Variants in SORCS2 observed in about 807,000 individuals in gnomAD.
SORCS2 encodes the protein sortilin related VPS10 domain containing receptor 2, also known as VPS10 domain-containing receptor SorCS2.
SORCS2 carries 100 observed loss-of-function variants against 141.6 expected under a neutral mutation model. The ratio of observed to expected loss-of-function variants is 0.71; its 90% CI spans 0.60 to 0.83. The LOEUF (loss-of-function observed/expected upper bound fraction) is 0.83, where lower values mean the gene tolerates loss of function less well. Ranked by LOEUF, SORCS2 falls within the 40% of genes least tolerant of loss-of-function variation. The pLI is 0.00. For missense variants in SORCS2, 1,646 were observed against 1,560.2 expected, an observed-to-expected ratio of 1.05 and a Z score of -0.93; for synonymous variants, 789 against 676.9, an observed-to-expected ratio of 1.17 and a Z score of -2.57.
intron 1 of SORCS2, among the ~76,000 whole-genome samples, chr4:7,321,001 G>C (rs1024378589): frequency 6.7e-6 from 1 of 148,684 alleles, no homozygotes; most frequent in African/African-American, 2.5e-5. Context: ...TGGATGAATT[G>C]TATAGTGGGG....
At chr4:7,576,930 T>C (rs1169339117) in intron 3 of SORCS2, among the ~76,000 whole-genome samples, 4 of 152,186 alleles carry the variant, frequency 2.6e-5, no homozygotes, top group Non-Finnish European at 5.9e-5. Context: ...GTTATCGCAG[T>C]CTTCTGAGAT....
At chr4:7,629,868 C>T (rs200318593) in intron 3 of SORCS2, among the ~76,000 whole-genome samples, 30 of 152,242 alleles carry the variant, frequency 2.0e-4, no homozygotes, top group East Asian at 7.7e-4. Flanking sequence ...ATCTCTGCAA[C>T]GCGCTGTCGG....
At chr4:7,206,828 T>TAAAAC (rs954689443) in intron 1 of SORCS2, among the ~76,000 whole-genome samples, 3 of 152,038 alleles carry the variant, frequency 2.0e-5, no homozygotes, top group African/African-American at 7.2e-5. Flanking sequence ...TCTCACCCAG[T>TAAAAC]AAAACAAAAC....
chr4:7,378,207 G>A (rs528321357), intron 1 of SORCS2, among the ~76,000 whole-genome samples: 3 of 152,240 alleles, frequency 2.0e-5, no homozygotes, highest in African/African-American at 7.2e-5. Flanking sequence ...AAGTAACCTC[G>A]GGTGAGACTA....
At chr4:7,721,331 T>G (rs149912982) in intron 18 of SORCS2, among the ~76,000 whole-genome samples, 3,691 of 152,160 alleles carry the variant, frequency 0.024, 129 homozygotes, top group African/African-American at 0.082. Context: ...CCAGGTGTGG[T>G]GATGCATGCC....
intron 3 of SORCS2, among the ~76,000 whole-genome samples, chr4:7,551,027 C>A (rs550429623): frequency 6.6e-6 from 1 of 152,330 alleles, no homozygotes; most frequent in East Asian, 1.9e-4. Flanking sequence ...CCGCTAGTGC[C>A]TTGGCCTGAT....
chr4:7,300,510 G>A lies in SORCS2; in HGVS notation c.481-95778G>A, dbSNP rs141186029. On this transcript the variant is annotated intron_variant, in intron 1 of 26. Coordinates refer to ENST00000507866, the MANE Select transcript of SORCS2 (RefSeq NM_020777.3). Reference sequence around the variant, plus strand: ...CCCTGCCTCTGCTTTCAGTGATGAAGCGGTGGCATGAGTCCCCGCCACCAC... The same window carrying A: ...CCCTGCCTCTGCTTTCAGTGATGAAACGGTGGCATGAGTCCCCGCCACCAC... 6.6e-4 allele frequency among the ~76,000 whole-genome samples: 101 copies of A among 152,316 alleles called. No homozygotes were observed. The East Asian group carries it at 0.018, about 27-fold the overall frequency.
rs147300725 is a variant in SORCS2, at chr4:7,670,823, G to A, written c.1161+3610G>A. Among the ~76,000 whole-genome samples, 740 of 152,244 alleles carry A rather than the reference G, an allele frequency of 4.9e-3. 2 individuals carry two copies. Among genetic ancestry groups the A allele is most frequent in the Middle Eastern group, 6.8e-3 (2 of 294 alleles). Reference sequence around the variant, plus strand: ...GAGCTTGAAGGAGCGGGAGGGTGCAGGGGTGCCATAAGGACCTTGTCTTCC... The same window carrying A: ...GAGCTTGAAGGAGCGGGAGGGTGCAAGGGTGCCATAAGGACCTTGTCTTCC... On this transcript the variant is annotated intron_variant, in intron 8 of 26. Coordinates refer to ENST00000507866, the MANE Select transcript of SORCS2 (RefSeq NM_020777.3).
intron 3 of SORCS2, among the ~76,000 whole-genome samples, chr4:7,540,278 G>A (rs943998818): frequency 1.6e-4 from 24 of 150,972 alleles, no homozygotes; most frequent in Admixed American, 1.6e-3. Flanking sequence ...GCCCGCCTAG[G>A]GTTTTCCTTC....
At chr4:7,718,654 T>C (rs772683043) in intron 18 of SORCS2, among the ~76,000 whole-genome samples, 17 of 152,228 alleles carry the variant, frequency 1.1e-4, no homozygotes, top group Non-Finnish European at 1.9e-4. Context: ...CATGGACAGA[T>C]ACAGATATAA....
chr4:7,667,519 C>T (rs374879875), intron 8 of SORCS2, among the ~76,000 whole-genome samples: 1 of 152,134 alleles, frequency 6.6e-6, no homozygotes, highest in East Asian at 1.9e-4. Flanking sequence ...TTGCTAAAGG[C>T]CCCCCAGGCG....
chr4:7,360,568 C>CTTTTTTT (rs1721519739), intron 1 of SORCS2, among the ~76,000 whole-genome samples: 2 of 22,362 alleles, frequency 8.9e-5, no homozygotes, highest in African/African-American at 1.9e-4. Context: ...CTCCCAGTCC[C>CTTTTTTT]TTCTTTTTTT....
At chr4:7,547,210 C>T (rs1713330300) in intron 3 of SORCS2, among the ~76,000 whole-genome samples, 1 of 152,178 alleles carries the variant, frequency 6.6e-6, no homozygotes, top group African/African-American at 2.4e-5. Context: ...ACCCAAGAGT[C>T]TTAATACTGG....
At chr4:7,701,140 G>A (rs1000338775) in intron 12 of SORCS2, among the ~76,000 whole-genome samples, 1 of 151,878 alleles carries the variant, frequency 6.6e-6, no homozygotes, top group African/African-American at 2.4e-5. Context: ...TGTGTCATTT[G>A]GCATCACCTG....
rs1202049673 is a variant in SORCS2, at chr4:7,539,607, GTCTCAC to G, written c.648+7983_648+7988del. The stretch of plus-strand genomic sequence containing the variant: ...CTTCTCTTTGTCTCTCACTCTCTCT[GTCTCAC>G]TCTCTTCCCTCCACTCTGAACCCCT... On this transcript the variant is annotated intron_variant, in intron 3 of 26. Coordinates refer to ENST00000507866, the MANE Select transcript of SORCS2 (RefSeq NM_020777.3). Among the ~76,000 whole-genome samples the G allele has an allele frequency of 4.0e-5, 6 of 151,714 alleles. No individual in the cohort carries two copies. In the East Asian group the frequency reaches 1.2e-3, roughly 30 times the overall value.
intron 3 of SORCS2, among the ~76,000 whole-genome samples, chr4:7,548,227 C>T (rs761411698): frequency 2.6e-5 from 4 of 152,118 alleles, no homozygotes; most frequent in South Asian, 2.1e-4. Context: ...GGAATGCTCC[C>T]GCGACCATTT....
intron 3 of SORCS2, among the ~76,000 whole-genome samples, chr4:7,614,274 CCATCCACT>C (rs532251577): frequency 6.6e-6 from 1 of 151,558 alleles, no homozygotes; most frequent in Non-Finnish European, 1.5e-5. Flanking sequence ...ATCCATCCAC[CCATCCACT>C]CACCCATCCA....
chr4:7,536,790 A>G (rs1560366264), intron 3 of SORCS2, among the ~76,000 whole-genome samples: 1 of 147,944 alleles, frequency 6.8e-6, no homozygotes, highest in African/African-American at 2.6e-5. Flanking sequence ...TTTTTGGTGT[A>G]TCACACTTTC....
At chr4:7,631,639 A>AC (rs1002672502) in intron 3 of SORCS2, among the ~76,000 whole-genome samples, 19 of 150,618 alleles carry the variant, frequency 1.3e-4, no homozygotes, top group East Asian at 9.8e-4. Context: ...GTCTGCTGTG[A>AC]CCCCCCCGGG....
Sources: allele counts gnomAD v4.1 joint callset (sites outside exome capture counted in the v4.1 genomes callset), GRCh38; gene constraint gnomAD v4.1.1; transcripts MANE v1.5; gene names NCBI Gene and HGNC (gene_info 2026-07-23, HGNC 2026-07-21).